The following RERE variants were observed in gnomAD, a reference collection of about 807,000 sequenced individuals.
The protein encoded by RERE is arginine-glutamic acid dipeptide repeats protein.
A neutral mutation model predicts 146.1 loss-of-function variants in RERE; 40 were observed. That is an observed-to-expected ratio of 0.27 (90% CI 0.21 to 0.36). The LOEUF (loss-of-function observed/expected upper bound fraction) is 0.36, where lower values mean the gene tolerates loss of function less well. Ranked by LOEUF, RERE falls within the 10% of genes least tolerant of loss-of-function variation. RERE has a pLI of 1.00. For missense variants in RERE, 1,933 were observed against 2,138.7 expected, an observed-to-expected ratio of 0.90 and a Z score of 1.90; for synonymous variants, 1,003 against 866.0, an observed-to-expected ratio of 1.16 and a Z score of -2.78.
intron 20 of RERE, among the ~76,000 whole-genome samples, 184 bp downstream of exon 20, chr1:8,358,012 C>T (rs113580594): frequency 3.7e-4 from 57 of 152,342 alleles, no homozygotes; most frequent in African/African-American, 1.2e-3. Flanking sequence ...GCTGCGGGGC[C>T]GAGGAGAGAC....
chr1:8,592,375 A>G (rs1646505555), intron 4 of RERE, among the ~76,000 whole-genome samples: 2 of 151,986 alleles, frequency 1.3e-5, no homozygotes. Flanking sequence ...GGCTCAAGCA[A>G]TCCTCCTACC....
At position 8,614,480 on chromosome 1, in the gene RERE, T is replaced by C. The variant is rs1646827962; in HGVS notation, c.522+81A>G. 4 of 1,405,910 alleles carry C rather than the reference T, an allele frequency of 2.8e-6. No homozygotes were observed. In the Admixed American group the frequency reaches 8.7e-5, roughly 31 times the overall value. 87.1% of individuals were successfully genotyped at this position (1,405,910 alleles called of 1,614,324 possible). A position where few individuals can be genotyped will look rare whatever the true frequency, so the allele number is the denominator to read the frequency against. On this transcript the variant is annotated intron_variant, in intron 4 of 22. Transcript: ENST00000400908. ...ATACAGCACATTTTAAAAGGGGCTCTGGGGAGGGAGGTAATATTCCTATTT... is the reference window on the plus strand; with the variant it reads ...ATACAGCACATTTTAAAAGGGGCTCCGGGGAGGGAGGTAATATTCCTATTT...
chr1:8,464,675 C>G (rs1436683470), intron 11 of RERE, among the ~76,000 whole-genome samples: 1 of 152,138 alleles, frequency 6.6e-6, no homozygotes, highest in Non-Finnish European at 1.5e-5. Flanking sequence ...CACCTTAGGG[C>G]CCAGAATTCT....
chr1:8,815,829 T>TTTTGTGTGTGTGTGTG (rs1553152686), intron 1 of RERE, among the ~76,000 whole-genome samples: 2 of 149,850 alleles, frequency 1.3e-5, no homozygotes. Context: ...CAGCTTGGTA[T>TTTTGTGTGTGTGTGTG]TGTGTGTGTG....
At chr1:8,605,762 A>AC (rs1646697874) in intron 4 of RERE, among the ~76,000 whole-genome samples, 1 of 149,448 alleles carries the variant, frequency 6.7e-6, no homozygotes, top group Non-Finnish European at 1.5e-5. Context: ...AAAAAAAAAA[A>AC]AAAAAAAAAC....
At chr1:8,794,126 G>T (rs1201904484) in intron 1 of RERE, among the ~76,000 whole-genome samples, 2 of 150,868 alleles carry the variant, frequency 1.3e-5, no homozygotes, top group African/African-American at 2.4e-5. Flanking sequence ...GGCTGGGCGC[G>T]GTGGCTCATG....
At chr1:8,439,524 G>C (rs537256779) in intron 11 of RERE, among the ~76,000 whole-genome samples, 14 of 152,286 alleles carry the variant, frequency 9.2e-5, no homozygotes, top group African/African-American at 3.4e-4. Context: ...CGAAGCTAGA[G>C]GTCAAGACTA....
At chr1:8,531,107 G>A (rs1245266512) in intron 7 of RERE, among the ~76,000 whole-genome samples, 3 of 150,528 alleles carry the variant, frequency 2.0e-5, no homozygotes, top group South Asian at 2.1e-4. Context: ...CTATCTATCT[G>A]TCCATCCATC....
At chr1:8,551,698 C>G (rs577518426) in intron 6 of RERE, among the ~76,000 whole-genome samples, 21 of 152,320 alleles carry the variant, frequency 1.4e-4, no homozygotes, top group African/African-American at 4.6e-4. Context: ...GACTTTCACA[C>G]TCCTTACCAT....
rs960213169 is a variant in RERE, at chr1:8,435,502, C to G, written c.1204-12695G>C. 2.0e-5 allele frequency among the ~76,000 whole-genome samples: 3 copies of G among 152,310 alleles called. No individual in the cohort carries two copies. In the South Asian group the frequency reaches 6.2e-4, roughly 32 times the overall value. On this transcript the variant is annotated intron_variant, in intron 11 of 22. Transcript: ENST00000400908. The stretch of plus-strand genomic sequence containing the variant: ...TCACTGCACTGTTAAGTTTCTAACT[C>G]TCTAACTACTACTGACAAAACCATT...
intron 1 of RERE, among the ~76,000 whole-genome samples, chr1:8,776,185 A>G (rs796570517): frequency 1.4e-4 from 22 of 152,306 alleles, no homozygotes; most frequent in African/African-American, 4.6e-4. Flanking sequence ...TATTTTCACA[A>G]ACCATTTCTT....
At chr1:8,785,913 C>T (rs1047538436) in intron 1 of RERE, among the ~76,000 whole-genome samples, 5 of 152,224 alleles carry the variant, frequency 3.3e-5, no homozygotes, top group East Asian at 1.9e-4. Flanking sequence ...TGAGCCATCG[C>T]GCTCGGCCTG....
At chr1:8,725,970 C>T (rs1639955525) in intron 1 of RERE, among the ~76,000 whole-genome samples, 1 of 151,902 alleles carries the variant, frequency 6.6e-6, no homozygotes, top group African/African-American at 2.4e-5. Flanking sequence ...TCAAACTCTT[C>T]CCATTTGTTT....
At chr1:8,436,145 C>T (rs547979388) in intron 11 of RERE, among the ~76,000 whole-genome samples, 1 of 152,086 alleles carries the variant, frequency 6.6e-6, no homozygotes, top group Non-Finnish European at 1.5e-5. Context: ...ATGGTGAAAC[C>T]CCAACTCTAC....
chr1:8,619,767 A>G (rs563228320), intron 3 of RERE, among the ~76,000 whole-genome samples: 1 of 152,334 alleles, frequency 6.6e-6, no homozygotes, highest in Non-Finnish European at 1.5e-5. Context: ...GTTTCTATAA[A>G]AATATGATTT....
At chr1:8,510,617 A>G (rs1446632082) in intron 7 of RERE, among the ~76,000 whole-genome samples, 71 of 152,260 alleles carry the variant, frequency 4.7e-4, no homozygotes, top group Non-Finnish European at 1.5e-5. Flanking sequence ...GCAAGCAGTC[A>G]GCGTTACCAC....
intron 1 of RERE, among the ~76,000 whole-genome samples, chr1:8,808,604 A>G (rs1157165457): frequency 6.6e-6 from 1 of 152,198 alleles, no homozygotes; most frequent in Non-Finnish European, 1.5e-5. Context: ...CAGAAAGGTA[A>G]ATAACCTGCC....
At chr1:8,720,424 C>A (rs910593476) in intron 1 of RERE, among the ~76,000 whole-genome samples, 3 of 151,818 alleles carry the variant, frequency 2.0e-5, no homozygotes, top group African/African-American at 7.3e-5. Context: ...TATTCAAAGG[C>A]AGTAAGTGCT....
At chr1:8,776,150 T>C (rs1641060249) in intron 1 of RERE, among the ~76,000 whole-genome samples, 1 of 152,204 alleles carries the variant, frequency 6.6e-6, no homozygotes, top group African/African-American at 2.4e-5. Flanking sequence ...CTGTTTATCA[T>C]TCATAACACA....
Sources: gnomAD v4.1 joint callset for allele counts (sites outside exome capture counted in the v4.1 genomes callset) on GRCh38, gnomAD v4.1.1 for gene constraint, MANE v1.5 for transcripts, NCBI Gene and HGNC (gene_info 2026-07-23, HGNC 2026-07-21) for gene names.